The following EML1 variants were observed in gnomAD, a reference collection of about 807,000 sequenced individuals.
EML1 encodes the protein EMAP like 1.
Under a neutral mutation model 110.4 loss-of-function variants are expected in EML1, and 27 were observed. The observed-to-expected ratio is 0.24, with a 90% CI of 0.18 to 0.34. The LOEUF is 0.34. EML1 is among the 10% of genes least tolerant of loss of function. The pLI, the probability that EML1 is intolerant of heterozygous loss-of-function variation, is 1.00. For synonymous variants in EML1, 344 were observed against 385.8 expected (o/e 0.89, Z 1.27); for missense variants, 741 against 1,030.9 (o/e 0.72, Z 3.85).
intron 2 of EML1, among the ~76,000 whole-genome samples, chr14:99,854,356 T>G (rs769787766): frequency 2.0e-5 from 3 of 152,226 alleles, no homozygotes; most frequent in Non-Finnish European, 4.4e-5. Context: ...TTGACTAGTA[T>G]AACGATGAGA....
rs771996202 is a variant in EML1, at chr14:99,766,979, G to A, written c.28+29119G>A. 5.9e-5 allele frequency among the ~76,000 whole-genome samples: 9 copies of A among 152,196 alleles called. No individual in the cohort carries two copies. In the South Asian group the frequency reaches 6.2e-4, roughly 11 times the overall value. On this transcript the variant is annotated intron_variant, in intron 1 of 10. Coordinates refer to the EML1 transcript ENST00000554479. ...TGCAGCGTGTCCACTGGGAGTCACC[G>A]TTTTCCAAAGGTCCTCTTGCTGGCC...
intron 1 of EML1, among the ~76,000 whole-genome samples, chr14:99,840,936 T>A (rs2058622455): frequency 6.6e-6 from 1 of 152,162 alleles, no homozygotes; most frequent in Non-Finnish European, 1.5e-5. Flanking sequence ...CATGAGGACC[T>A]ATGGTAAAAG....
chr14:99,878,358 C>T (rs75798227), intron 3 of EML1, 127 bp from the exon 4 acceptor site: 143 of 1,391,012 alleles, frequency 1.0e-4, no homozygotes, highest in African/African-American at 1.7e-4. Context: ...TTTTGATCTC[C>T]GTTGCTAGGC....
chr14:99,772,179 C>T (rs2057434272), upstream of EML1, among the ~76,000 whole-genome samples: 1 of 152,180 alleles, frequency 6.6e-6, no homozygotes, highest in Non-Finnish European at 1.5e-5. Context: ...TTTCAGCAGA[C>T]AATTAACTTG....
In EML1 at chr14:99,877,226, C is replaced by T. The variant is rs1425461112; in HGVS notation, c.384-1259C>T. On this transcript the variant is annotated intron_variant, in intron 3 of 21. Transcript: ENST00000262233. ...GTAAGAGAGCTCTCTGGGCCTCTTCCATAAGGGCACTAATTCCACTCATGA... is the reference window on the plus strand; with the variant it reads ...GTAAGAGAGCTCTCTGGGCCTCTTCTATAAGGGCACTAATTCCACTCATGA... 1.3e-5 allele frequency among the ~76,000 whole-genome samples: 2 copies of T among 152,068 alleles called. 1 individual carries two copies.
intron 1 of EML1, among the ~76,000 whole-genome samples, chr14:99,823,004 A>G (rs896794483): frequency 6.6e-6 from 1 of 152,106 alleles, no homozygotes; most frequent in African/African-American, 2.4e-5. Context: ...CTGGGTGTCA[A>G]TGCTTTGACA....
chr14:99,893,969 G>A (rs769695287), intron 5 of EML1, among the ~76,000 whole-genome samples: 10 of 152,174 alleles, frequency 6.6e-5, no homozygotes, highest in Non-Finnish European at 1.5e-4. Flanking sequence ...AATATTAAAA[G>A]TTATTTTATT....
At chr14:99,900,880 A>G (rs750281715) in intron 8 of EML1, 49 bp from the exon 9 acceptor site, 1 of 1,499,344 alleles carries the variant, frequency 6.7e-7, no homozygotes, top group South Asian at 1.1e-5. Context: ...GTAAAGACAC[A>G]TGTGTATCAC....
rs191048047 is a variant in EML1 at position 99,905,369 on chromosome 14, T to C, written c.1009-2269T>C. Among the ~76,000 whole-genome samples the C allele has an allele frequency of 2.6e-5, 4 of 152,244 alleles. No homozygotes were observed. The highest frequency in any genetic ancestry group is 5.9e-5 in the Non-Finnish European group (4 of 68,014). On this transcript the variant is annotated intron_variant, in intron 9 of 21. Transcript: ENST00000262233. The surrounding 1 kb of genome is among the most constrained non-coding windows in gnomAD (Gnocchi z 4.1). ...CAACCAGGAGCTTCAACTTACGGTC[T>C]CTGGGCAAGATGGTGGCCCTGAGTA...
At chr14:99,864,918 T>C (rs775086362) in intron 2 of EML1, among the ~76,000 whole-genome samples, 1 of 152,138 alleles carries the variant, frequency 6.6e-6, no homozygotes, top group Non-Finnish European at 1.5e-5. Context: ...TCTACTTAGC[T>C]TATGTTCTGT....
Position 99,850,333 on chromosome 14 carries a change from G to A in EML1, c.68-520G>A, listed in dbSNP as rs2058775090. The A allele has an allele frequency of 4.7e-6, 6 of 1,288,938 alleles. No homozygotes were observed. In the South Asian group the frequency reaches 4.9e-5, roughly 11 times the overall value. The allele number at this position is 1,288,938 out of a possible 1,614,324, so 79.8% of individuals were successfully genotyped here. ...AAGGAGTTGGAAATTATGATTCTGAGTAAGAAAATATGATTACCATAATTG... is the reference window on the plus strand; with the variant it reads ...AAGGAGTTGGAAATTATGATTCTGAATAAGAAAATATGATTACCATAATTG... On this transcript the variant is annotated intron_variant, in intron 1 of 21. Transcript: ENST00000262233.
In EML1 at chr14:99,816,186, C is replaced by T. The variant is rs141078285; in HGVS notation, c.67+22643C>T. Among the ~76,000 whole-genome samples, 734 of 152,230 alleles carry T rather than the reference C, an allele frequency of 4.8e-3. 3 individuals are homozygous for T. Among genetic ancestry groups the T allele is most frequent in the African/African-American group, 0.017 (701 of 41,538 alleles). On this transcript the variant is annotated intron_variant, in intron 1 of 21. Transcript: ENST00000262233. ...ATTTGACTTTATTATTTTTTTTAGA[C>T]GGAGTCTCACTCTGTCGCCCAGGCT...
At chr14:99,910,020 G>A (rs535474808) in intron 11 of EML1, among the ~76,000 whole-genome samples, 3 of 152,226 alleles carry the variant, frequency 2.0e-5, no homozygotes, top group Admixed American at 2.0e-4. Flanking sequence ...GCCACTTGGG[G>A]TTGCTAGAAA....
rs371678273 is a variant in EML1, at chr14:99,905,972, T to C, written c.1009-1666T>C. 3.8e-4 allele frequency among the ~76,000 whole-genome samples: 58 copies of C among 152,262 alleles called. 2 individuals carry two copies. The highest frequency in any genetic ancestry group is 1.3e-3 in the African/African-American group (55 of 41,534). On this transcript the variant is annotated intron_variant, in intron 9 of 21. Coordinates refer to ENST00000262233, the MANE Select transcript of EML1 (RefSeq NM_004434.3). The surrounding 1 kb of genome is among the most constrained non-coding windows in gnomAD (Gnocchi z 4.1). ...TCAGCCATTCGGTGTGTACAGATGA[T>C]TTTTCTTTGCATCAGGGGTCTCCAG...
chr14:99,811,307 A>G (rs902329156), intron 1 of EML1, among the ~76,000 whole-genome samples: 8 of 151,980 alleles, frequency 5.3e-5, no homozygotes, highest in African/African-American at 1.7e-4. Flanking sequence ...CGGCCTCCCA[A>G]AGTTCTGGGA....
intron 1 of EML1, among the ~76,000 whole-genome samples, chr14:99,816,508 T>G (rs1004450152): frequency 3.3e-5 from 5 of 152,246 alleles, no homozygotes; most frequent in African/African-American, 1.2e-4. Context: ...TGTAGGCAGA[T>G]AGGCCTCGTG....
At chr14:99,825,946 C>G (rs72708387) in intron 1 of EML1, among the ~76,000 whole-genome samples, 1 of 152,252 alleles carries the variant, frequency 6.6e-6, no homozygotes, top group Non-Finnish European at 1.5e-5. Context: ...CTGAACTTTA[C>G]AGTAAGCAAG....
chr14:99,746,983 C>A (rs1016788358), intron 1 of EML1, among the ~76,000 whole-genome samples: 1 of 152,024 alleles, frequency 6.6e-6, no homozygotes, highest in African/African-American at 2.4e-5. Context: ...CTCTATCGGG[C>A]GCTGTGCCCC....
chr14:99,822,976 G>T (rs1255211018), intron 1 of EML1, among the ~76,000 whole-genome samples: 6 of 152,142 alleles, frequency 3.9e-5, no homozygotes, highest in Admixed American at 3.9e-4. Flanking sequence ...CAATCCATCT[G>T]TGTTTTCTGG....
Sources: gnomAD v4.1 joint callset for allele counts (sites outside exome capture counted in the v4.1 genomes callset) on GRCh38, gnomAD v4.1.1 for gene constraint, Gnocchi (gnomAD v3.1) non-coding constraint, MANE v1.5 for transcripts, NCBI Gene and HGNC (gene_info 2026-07-23, HGNC 2026-07-21) for gene names.